Variants in FGF12 observed in about 807,000 individuals in gnomAD.
The protein encoded by FGF12 is fibroblast growth factor 12B.
Under a neutral mutation model 23.6 loss-of-function variants are expected in FGF12, and 14 were observed. The ratio of observed to expected loss-of-function variants is 0.59; its 90% confidence interval spans 0.39 to 0.93. FGF12 has a LOEUF of 0.93. Ranked by LOEUF, FGF12 falls within the 40% of genes least tolerant of loss-of-function variation. FGF12 has a pLI of 0.00. For missense variants in FGF12, 175 were observed against 217.8 expected (o/e 0.80, Z 1.24); for synonymous variants, 62 against 77.3 (o/e 0.80, Z 1.04).
At chr3:192,395,203 G>A (rs1172810075) in intron 2 of FGF12, among the ~76,000 whole-genome samples, 2 of 152,170 alleles carry the variant, frequency 1.3e-5, no homozygotes, top group Non-Finnish European at 2.9e-5. Context: ...CCTTCTTTCA[G>A]CATTCCCATA....
At chr3:192,596,224 T>A (rs1162430750) in intron 2 of FGF12, among the ~76,000 whole-genome samples, 1 of 151,494 alleles carries the variant, frequency 6.6e-6, no homozygotes, top group Non-Finnish European at 1.5e-5. Flanking sequence ...TAACTGCTGA[T>A]GATATTGAAA....
chr3:192,652,583 G>A (rs965479359), intron 2 of FGF12, among the ~76,000 whole-genome samples: 1 of 152,168 alleles, frequency 6.6e-6, no homozygotes, highest in African/African-American at 2.4e-5. Context: ...TCAAAGTGTG[G>A]TGCCCAAATC....
At chr3:192,635,953 C>A (rs1178458285) in intron 2 of FGF12, among the ~76,000 whole-genome samples, 1 of 152,164 alleles carries the variant, frequency 6.6e-6, no homozygotes, top group Non-Finnish European at 1.5e-5. Context: ...TTGTCTCAAG[C>A]ACCTCAAAGA....
At chr3:192,533,178 A>G (rs1211975805) in intron 2 of FGF12, among the ~76,000 whole-genome samples, 1 of 152,162 alleles carries the variant, frequency 6.6e-6, no homozygotes, top group African/African-American at 2.4e-5. Flanking sequence ...TCTATAGTCA[A>G]ATTACCAAAA....
chr3:192,723,873 GA>G (rs1347479694), intron 2 of FGF12, among the ~76,000 whole-genome samples: 8 of 139,610 alleles, frequency 5.7e-5, no homozygotes, highest in Non-Finnish European at 1.1e-4. Flanking sequence ...GAGAGAGAGA[GA>G]GAGAGGAGAG....
At chr3:192,306,562 G>C (rs967692183) in intron 4 of FGF12, among the ~76,000 whole-genome samples, 1 of 152,106 alleles carries the variant, frequency 6.6e-6, no homozygotes, top group Non-Finnish European at 1.5e-5. Flanking sequence ...AAATCAGCCT[G>C]GACAACCTAA....
At chr3:192,195,184 A>G (rs1016376152) in intron 4 of FGF12, among the ~76,000 whole-genome samples, 5 of 152,194 alleles carry the variant, frequency 3.3e-5, no homozygotes, top group Non-Finnish European at 5.9e-5. Context: ...TTTTTTTTAT[A>G]TGTAATGTAT....
At chr3:192,158,679 T>C (rs1250874051) in intron 5 of FGF12, among the ~76,000 whole-genome samples, 4 of 10,440 alleles carry the variant, frequency 3.8e-4, no homozygotes, top group East Asian at 4.2e-3. Flanking sequence ...CCTCCCTCTC[T>C]CTCTCTCTTT....
At chr3:192,323,676 T>C (rs1288185702) in intron 4 of FGF12, among the ~76,000 whole-genome samples, 2 of 152,192 alleles carry the variant, frequency 1.3e-5, no homozygotes, top group Non-Finnish European at 2.9e-5. Context: ...TAATGTACAT[T>C]TTAAATTACC....
chr3:192,380,744 G>T (rs1299282847), intron 2 of FGF12, among the ~76,000 whole-genome samples: 1 of 151,964 alleles, frequency 6.6e-6, no homozygotes, highest in African/African-American at 2.4e-5. Flanking sequence ...CACCAGAATG[G>T]CTTTCTCTCC....
intron 4 of FGF12, among the ~76,000 whole-genome samples, chr3:192,228,889 C>A (rs745829199): frequency 5.3e-5 from 8 of 152,022 alleles, no homozygotes; most frequent in Non-Finnish European, 1.2e-4. Context: ...ACTACGAGAG[C>A]CAATACATTT....
At chr3:192,675,205 G>A (rs1046564080) in intron 2 of FGF12, among the ~76,000 whole-genome samples, 2 of 152,032 alleles carry the variant, frequency 1.3e-5, no homozygotes, top group African/African-American at 4.8e-5. Flanking sequence ...AGTACACTGC[G>A]GCAACAGGGC....
intron 2 of FGF12, among the ~76,000 whole-genome samples, chr3:192,707,487 C>G (rs1440034545): frequency 6.6e-6 from 1 of 152,136 alleles, no homozygotes; most frequent in Non-Finnish European, 1.5e-5. Context: ...GTGGCTCACG[C>G]CTGTAATCCC....
chr3:192,455,990 G>A (rs960506165), intron 2 of FGF12, among the ~76,000 whole-genome samples: 4 of 152,166 alleles, frequency 2.6e-5, no homozygotes, highest in Non-Finnish European at 4.4e-5. Flanking sequence ...GTCCCCTAAA[G>A]CCAGTAACTG....
chr3:192,441,647 A>AGGG (rs1466206337), intron 2 of FGF12, among the ~76,000 whole-genome samples: 2 of 152,234 alleles, frequency 1.3e-5, no homozygotes, highest in Non-Finnish European at 2.9e-5. Context: ...GTCAGCACTT[A>AGGG]GTTTCACCCC....
At chr3:192,235,131 T>A (rs552001434) in intron 4 of FGF12, among the ~76,000 whole-genome samples, 2 of 152,304 alleles carry the variant, frequency 1.3e-5, no homozygotes, top group East Asian at 3.9e-4. Flanking sequence ...AGATCTTCTT[T>A]ATACATCTGG....
intron 4 of FGF12, among the ~76,000 whole-genome samples, chr3:192,307,340 G>A (rs963668001): frequency 7.2e-5 from 11 of 152,082 alleles, no homozygotes; most frequent in African/African-American, 1.4e-4. Context: ...GTTCCTTATC[G>A]TCACCTCCAG....
chr3:192,386,862 A>G (rs990858017), intron 2 of FGF12, among the ~76,000 whole-genome samples: 9 of 152,204 alleles, frequency 5.9e-5, no homozygotes, highest in African/African-American at 2.2e-4. Context: ...AAAAGAAACT[A>G]AAATTCATTG....
At chr3:192,190,468 CTTTTTTTTTTTTTTT>C (rs34108891) in intron 4 of FGF12, among the ~76,000 whole-genome samples, 1 of 89,104 alleles carries the variant, frequency 1.1e-5, no homozygotes, top group African/African-American at 4.4e-5. Flanking sequence ...GCCCAATACT[CTTTTTTTTTTTTTTT>C]TTTTTTTTTT....
Sources: gnomAD v4.1 joint callset for allele counts (sites outside exome capture counted in the v4.1 genomes callset) on GRCh38, gnomAD v4.1.1 for gene constraint, MANE v1.5 for transcripts, NCBI Gene and HGNC (gene_info 2026-07-23, HGNC 2026-07-21) for gene names.